MDGA2: variants seen among roughly 807,000 people sequenced by gnomAD.
MDGA2 encodes MAM domain containing glycosylphosphatidylinositol anchor 2.
A neutral mutation model predicts 117.8 loss-of-function variants in MDGA2; 40 were observed. The ratio of observed to expected loss-of-function variants is 0.34; its 90% CI spans 0.26 to 0.44. MDGA2 has a LOEUF of 0.44. Among genes scored for constraint, MDGA2 ranks in the 20% least tolerant of loss-of-function variants. The probability of loss-of-function intolerance (pLI) is 1.00; values close to 1 mark genes in which losing one functional copy is unlikely to be tolerated. For missense variants in MDGA2, 1,123 were observed against 1,250.6 expected (o/e 0.90, Z 1.54); for synonymous variants, 452 against 439.0 (o/e 1.03, Z -0.37).
intron 1 of MDGA2, among the ~76,000 whole-genome samples, chr14:47,420,929 T>G (rs1892565623): frequency 6.6e-6 from 1 of 152,098 alleles, no homozygotes; most frequent in African/African-American, 2.4e-5. Context: ...CCATTTTGAT[T>G]CTTGTTATTT....
intron 1 of MDGA2, among the ~76,000 whole-genome samples, chr14:47,389,401 T>C (rs1296753990): frequency 2.0e-5 from 3 of 152,204 alleles, no homozygotes; most frequent in Non-Finnish European, 4.4e-5. Context: ...ATATTGTGCG[T>C]GTTTCTTAGA....
chr14:47,311,056 A>C (rs1889618304), intron 1 of MDGA2, among the ~76,000 whole-genome samples: 2 of 152,128 alleles, frequency 1.3e-5, no homozygotes, highest in African/African-American at 2.4e-5. Flanking sequence ...CTTATAAATT[A>C]TCACAGCACC....
chr14:47,379,260 A>T (rs1198984474), intron 1 of MDGA2, among the ~76,000 whole-genome samples: 2 of 152,238 alleles, frequency 1.3e-5, no homozygotes, highest in African/African-American at 4.8e-5. Flanking sequence ...CTGCAAAAAC[A>T]TGCCAAATTG....
In MDGA2 at chr14:47,653,467, C is replaced by T. The variant is rs188456912; in HGVS notation, c.280+21050G>A. Among the ~76,000 whole-genome samples, 92 of 152,220 alleles carry T rather than the reference C, an allele frequency of 6.0e-4. 2 individuals carry two copies. The highest frequency in any genetic ancestry group is 3.4e-3 in the Middle Eastern group (1 of 294). On this transcript the variant is annotated intron_variant, in intron 1 of 16. Coordinates refer to ENST00000399232, the MANE Select transcript of MDGA2 (RefSeq NM_001113498.3). Reference sequence around the variant, plus strand: ...GGACTACAAAATTAGATGGTTATCTCTGGAGGCTACCCACGCATTTGAGAA... The same window carrying T: ...GGACTACAAAATTAGATGGTTATCTTTGGAGGCTACCCACGCATTTGAGAA...
At chr14:47,572,537 G>A (rs1433920344) in intron 1 of MDGA2, among the ~76,000 whole-genome samples, 1 of 152,088 alleles carries the variant, frequency 6.6e-6, no homozygotes, top group Non-Finnish European at 1.5e-5. Flanking sequence ...ATGAATTGGT[G>A]GTATCCCCTA....
intron 2 of MDGA2, among the ~76,000 whole-genome samples, chr14:47,264,529 A>G (rs1887901670): frequency 6.6e-6 from 1 of 152,262 alleles, no homozygotes; most frequent in Non-Finnish European, 1.5e-5. Flanking sequence ...CTACATTCCA[A>G]GTCTTACCTT....
Position 46,938,437 on chromosome 14 carries a change from G to T in MDGA2, c.2090-18277C>A, listed in dbSNP as rs928036998. ...GCCTATAATCCCAGCTACTCGGGAG[G>T]GCTGAGGCAGAAGAATCGCCTAAAC... On this transcript the variant is annotated intron_variant, in intron 9 of 16. Transcript: ENST00000399232. Among the ~76,000 whole-genome samples, 3 of 150,172 alleles carry T rather than the reference G, an allele frequency of 2.0e-5. No homozygotes were observed. In the East Asian group the frequency reaches 5.9e-4, roughly 30 times the overall value.
intron 1 of MDGA2, among the ~76,000 whole-genome samples, chr14:47,371,900 T>A (rs1347408715): frequency 6.6e-6 from 1 of 151,804 alleles, no homozygotes; most frequent in African/African-American, 2.4e-5. Flanking sequence ...TAACTAACCT[T>A]TTTTGAAGAA....
intron 16 of MDGA2, among the ~76,000 whole-genome samples, chr14:46,845,490 AGT>A (rs1436953312): frequency 6.6e-6 from 1 of 152,168 alleles, no homozygotes; most frequent in Non-Finnish European, 1.5e-5. Flanking sequence ...ATAATATCAA[AGT>A]GTTTTAAAAT....
chr14:47,252,164 A>G (rs575595269), intron 2 of MDGA2, among the ~76,000 whole-genome samples: 1 of 152,252 alleles, frequency 6.6e-6, no homozygotes, highest in South Asian at 2.1e-4. Context: ...GGGAAAGTGG[A>G]TAGGGAACAT....
At chr14:47,203,839 A>T (rs754943628) in intron 3 of MDGA2, among the ~76,000 whole-genome samples, 1 of 151,970 alleles carries the variant, frequency 6.6e-6, no homozygotes, top group Non-Finnish European at 1.5e-5. Context: ...AAAACCCGCA[A>T]TATGGTTTCA....
chr14:47,656,849 G>A, intron 1 of MDGA2, among the ~76,000 whole-genome samples: 1 of 152,228 alleles, frequency 6.6e-6, no homozygotes, highest in East Asian at 1.9e-4. Context: ...GTAAAGAGGT[G>A]GGATTTATAA....
intron 1 of MDGA2, among the ~76,000 whole-genome samples, chr14:47,585,260 T>C (rs56188085): frequency 0.036 from 5,404 of 151,860 alleles, 331 homozygotes; most frequent in African/African-American, 0.12. Flanking sequence ...GGCTGCCTTT[T>C]CCCCAACTCT....
At chr14:47,528,034 C>G (rs925292335) in intron 1 of MDGA2, among the ~76,000 whole-genome samples, 1 of 152,190 alleles carries the variant, frequency 6.6e-6, no homozygotes, top group African/African-American at 2.4e-5. Flanking sequence ...AAGACTCCTT[C>G]TTTAGATGTT....
At chr14:47,557,877 C>A (rs1365623015) in intron 1 of MDGA2, among the ~76,000 whole-genome samples, 1 of 152,134 alleles carries the variant, frequency 6.6e-6, no homozygotes, top group African/African-American at 2.4e-5. Flanking sequence ...CAAAACTCAC[C>A]TCTCCACATT....
At chr14:47,397,748 C>A (rs950737760) in intron 1 of MDGA2, among the ~76,000 whole-genome samples, 2 of 152,056 alleles carry the variant, frequency 1.3e-5, no homozygotes, top group African/African-American at 2.4e-5. Flanking sequence ...TGTAAACACA[C>A]ATACAGAGAT....
rs748916452 is a variant in MDGA2 at position 47,213,866 on chromosome 14, G to A, written c.595+4155C>T. On this transcript the variant is annotated intron_variant, in intron 3 of 16. Transcript: ENST00000399232. ...ACTCACAGTTCAGCATGGTTGGGGC[G>A]ACCTCAGTAAACTTACAATCACAGC... Among the ~76,000 whole-genome samples the A allele has an allele frequency of 3.0e-4, 45 of 152,184 alleles. No individual in the cohort carries two copies. In the Middle Eastern group the frequency reaches 0.01, roughly 35 times the overall value.
chr14:47,161,780 C>T (rs1027345185), intron 3 of MDGA2, among the ~76,000 whole-genome samples: 11 of 151,774 alleles, frequency 7.2e-5, no homozygotes, highest in Admixed American at 3.9e-4. Context: ...TCCTGCCAAC[C>T]TCAACTCTTA....
chr14:47,635,757 A>T (rs1897310864), intron 1 of MDGA2, among the ~76,000 whole-genome samples: 1 of 152,204 alleles, frequency 6.6e-6, no homozygotes, highest in Non-Finnish European at 1.5e-5. Context: ...TAATCTTGCA[A>T]CTCAAACTTT....
Sources: gnomAD v4.1 joint callset for allele counts (sites outside exome capture counted in the v4.1 genomes callset) on GRCh38, gnomAD v4.1.1 for gene constraint, MANE v1.5 for transcripts, NCBI Gene and HGNC (gene_info 2026-07-23, HGNC 2026-07-21) for gene names.